Variants in MRPS28 observed in about 807,000 individuals in gnomAD.
MRPS28 encodes the protein mitochondrial ribosomal protein S28.
MRPS28 carries 7 observed loss-of-function variants against 10.8 expected under a neutral mutation model. That is an observed-to-expected ratio of 0.65 (90% CI 0.37 to 1.22). MRPS28 has a LOEUF of 1.22. Among genes scored for constraint, MRPS28 ranks in the 50% most tolerant of loss-of-function variants. MRPS28 has a pLI of 0.02. For missense variants in MRPS28, 265 were observed against 232.9 expected (o/e 1.14, Z -0.90); for synonymous variants, 121 against 93.3 (o/e 1.30, Z -1.71).
chr8:79,987,587 T>A (rs975859011), intron 2 of MRPS28, among the ~76,000 whole-genome samples: 6 of 151,566 alleles, frequency 4.0e-5, no homozygotes, highest in Non-Finnish European at 5.9e-5. Context: ...CAAGAAAAAA[T>A]CAAACAACCC....
intron 2 of MRPS28, among the ~76,000 whole-genome samples, chr8:79,930,362 G>A (rs1459683194): frequency 1.3e-5 from 2 of 152,220 alleles, no homozygotes; most frequent in African/African-American, 4.8e-5. Context: ...CTCTGTCAGT[G>A]TTGTACTTTT....
intron 2 of MRPS28, among the ~76,000 whole-genome samples, chr8:79,999,612 T>C (rs1808604247): frequency 6.6e-6 from 1 of 152,132 alleles, no homozygotes; most frequent in African/African-American, 2.4e-5. Flanking sequence ...CTGGAGAACA[T>C]GAAATTTGCT....
rs1451790491 is a variant in MRPS28, at chr8:80,017,176, T to C, written c.213+12860A>G. ...CTCAAAAATCCCAAAATTCTTAGAG[T>C]AAACAAATACACGTCTAAATAACAT... On this transcript the variant is annotated intron_variant, in intron 1 of 2. Coordinates refer to ENST00000276585, the MANE Select transcript of MRPS28 (RefSeq NM_014018.3). Among the ~76,000 whole-genome samples, 23 of 152,018 alleles carry C rather than the reference T, an allele frequency of 1.5e-4. 1 individual carries two copies. Among genetic ancestry groups the C allele is most frequent in the Admixed American group, 1.4e-3 (22 of 15,268 alleles).
At chr8:79,941,134 A>G (rs2129932366) in intron 2 of MRPS28, among the ~76,000 whole-genome samples, 1 of 152,294 alleles carries the variant, frequency 6.6e-6, no homozygotes, top group Non-Finnish European at 1.5e-5. Context: ...CAAAATTAAA[A>G]ATAAATACAT....
chr8:80,005,262 A>G (rs991895258), intron 1 of MRPS28, among the ~76,000 whole-genome samples: 3 of 152,236 alleles, frequency 2.0e-5, no homozygotes, highest in Non-Finnish European at 4.4e-5. Flanking sequence ...CACAAAGGGA[A>G]GGCCATCAGA....
chr8:80,006,229 T>G (rs547652168), intron 1 of MRPS28, among the ~76,000 whole-genome samples: 1 of 152,286 alleles, frequency 6.6e-6, no homozygotes, highest in African/African-American at 2.4e-5. Flanking sequence ...GACCACGTAG[T>G]TGGAAGTAAA....
At chr8:79,968,420 T>C (rs1807552110) in intron 2 of MRPS28, among the ~76,000 whole-genome samples, 1 of 152,166 alleles carries the variant, frequency 6.6e-6, no homozygotes, top group Admixed American at 6.5e-5. Context: ...TAGAAATTTG[T>C]CTTTTTAACA....
chr8:79,987,019 C>G (rs1360177595), intron 2 of MRPS28, among the ~76,000 whole-genome samples: 1 of 152,064 alleles, frequency 6.6e-6, no homozygotes, highest in African/African-American at 2.4e-5. Flanking sequence ...TACCTGACTT[C>G]AAACTATACT....
At chr8:80,019,417 C>T (rs972822914) in intron 1 of MRPS28, among the ~76,000 whole-genome samples, 11 of 150,490 alleles carry the variant, frequency 7.3e-5, no homozygotes, top group Non-Finnish European at 1.2e-4. Context: ...TATTTCATTT[C>T]GTCAAATGGA....
intron 1 of MRPS28, among the ~76,000 whole-genome samples, chr8:80,021,528 G>T (rs1380994093): frequency 1.3e-5 from 2 of 152,178 alleles, no homozygotes; most frequent in African/African-American, 4.8e-5. Context: ...GCATAGACTG[G>T]GACCAAGGGA....
intron 2 of MRPS28, among the ~76,000 whole-genome samples, chr8:80,002,120 C>G (rs1459717214): frequency 6.6e-6 from 1 of 152,136 alleles, no homozygotes; most frequent in Non-Finnish European, 1.5e-5. Context: ...AGATATCCAG[C>G]TCTCAGGAGA....
At chr8:80,008,074 G>GAT (rs1431213718) in intron 1 of MRPS28, among the ~76,000 whole-genome samples, 5 of 152,246 alleles carry the variant, frequency 3.3e-5, no homozygotes, top group Non-Finnish European at 1.5e-5. Flanking sequence ...CCAAAACAGA[G>GAT]ATATACACCA....
chr8:79,998,054 C>CAAA (rs35716562), intron 2 of MRPS28, among the ~76,000 whole-genome samples: 12 of 131,076 alleles, frequency 9.2e-5, no homozygotes, highest in African/African-American at 3.1e-4. Flanking sequence ...GACTCTGTCT[C>CAAA]AAAAAAAAAA....
chr8:79,947,919 G>A (rs2129957833), intron 2 of MRPS28, among the ~76,000 whole-genome samples: 1 of 151,296 alleles, frequency 6.6e-6, no homozygotes, highest in Non-Finnish European at 1.5e-5. Context: ...TTACAGGTAT[G>A]AGCCACCGCG....
At position 80,027,025 on chromosome 8, in the gene MRPS28, T is replaced by C. The variant is rs1376384065; in HGVS notation, c.213+3011A>G. On this transcript the variant is annotated intron_variant, in intron 1 of 2. Coordinates refer to ENST00000276585, the MANE Select transcript of MRPS28 (RefSeq NM_014018.3). ...GACACACACATAGCTTCCCCCACTG[T>C]CAACATCCCCCACCAGAGCGGTACA... is the stretch of plus-strand genomic sequence containing the variant. 3.9e-5 allele frequency among the ~76,000 whole-genome samples: 6 copies of C among 152,268 alleles called. No individual in the cohort carries two copies. In the South Asian group the frequency reaches 6.2e-4, roughly 16 times the overall value.
chr8:80,004,617 T>C (rs532574928), intron 1 of MRPS28, among the ~76,000 whole-genome samples: 3 of 152,208 alleles, frequency 2.0e-5, no homozygotes, highest in African/African-American at 4.8e-5. Flanking sequence ...TTGCCAGCAA[T>C]GGAACAAAGC....
chr8:79,979,361 A>G (rs13271813), intron 2 of MRPS28, among the ~76,000 whole-genome samples: 2,379 of 152,296 alleles, frequency 0.016, 32 homozygotes, highest in Non-Finnish European at 0.027. Flanking sequence ...CCACAATGAA[A>G]AAGTTAAACA....
chr8:79,968,829 G>C (rs963194998), intron 2 of MRPS28, among the ~76,000 whole-genome samples: 2 of 152,026 alleles, frequency 1.3e-5, no homozygotes, highest in African/African-American at 4.8e-5. Flanking sequence ...AGACAGTATA[G>C]TGTGGCCATT....
intron 2 of MRPS28, among the ~76,000 whole-genome samples, chr8:79,937,012 C>T (rs1441801758): frequency 1.3e-5 from 2 of 152,126 alleles, no homozygotes; most frequent in Non-Finnish European, 2.9e-5. Flanking sequence ...AGGCACCTGC[C>T]ACCACGCCCC....
Sources: allele counts gnomAD v4.1 joint callset (sites outside exome capture counted in the v4.1 genomes callset), GRCh38; gene constraint gnomAD v4.1.1; transcripts MANE v1.5; gene names NCBI Gene and HGNC (gene_info 2026-07-23, HGNC 2026-07-21).